MMP26: variants seen among roughly 807,000 people sequenced by gnomAD.
MMP26 encodes matrix metallopeptidase 26.
MMP26 carries 33 observed loss-of-function variants against 31.0 expected under a neutral mutation model. That is an observed-to-expected ratio of 1.06 (90% CI 0.81 to 1.42). MMP26 has a LOEUF of 1.42. Ranked by LOEUF, MMP26 falls within the 40% of genes most tolerant of loss-of-function variation. The pLI is 0.00. For synonymous variants in MMP26, 122 were observed against 114.9 expected (o/e 1.06, Z -0.40); for missense variants, 347 against 316.1 (o/e 1.10, Z -0.74).
chr11:4,790,541 C>T (rs1278133818), intron 2 of MMP26, among the ~76,000 whole-genome samples: 1 of 152,068 alleles, frequency 6.6e-6, no homozygotes, highest in Admixed American at 6.6e-5. Context: ...TATGTAATTG[C>T]TATTTGGAGG....
intron 2 of MMP26, among the ~76,000 whole-genome samples, chr11:4,891,709 C>T (rs1288238715): frequency 6.6e-6 from 1 of 152,066 alleles, no homozygotes; most frequent in African/African-American, 2.4e-5. Context: ...TATGTATGAC[C>T]AATTCATAAT....
At chr11:4,823,852 C>T (rs1411940831) in intron 2 of MMP26, among the ~76,000 whole-genome samples, 1 of 152,084 alleles carries the variant, frequency 6.6e-6, no homozygotes, top group Non-Finnish European at 1.5e-5. Flanking sequence ...AATTATTGGG[C>T]TGACTATGAG....
intron 2 of MMP26, among the ~76,000 whole-genome samples, chr11:4,930,888 C>T (rs1055594576): frequency 6.6e-6 from 1 of 151,670 alleles, no homozygotes; most frequent in African/African-American, 2.4e-5. Context: ...TTTCTTTTTG[C>T]AGCGTTGTTC....
At chr11:4,788,599 T>C (rs1053388152) in intron 2 of MMP26, among the ~76,000 whole-genome samples, 2 of 152,094 alleles carry the variant, frequency 1.3e-5, no homozygotes, top group African/African-American at 4.8e-5. Context: ...TTTTTTAACA[T>C]TTGATACAGT....
At chr11:4,924,054 T>G (rs564670726) in intron 2 of MMP26, 2 of 1,614,072 alleles carry the variant, frequency 1.2e-6, no homozygotes, top group Non-Finnish European at 1.7e-6. Context: ...CAGGCAGGGA[T>G]GCCAATCTCT....
intron 2 of MMP26, chr11:4,848,820 C>T (rs1485876057): frequency 5.6e-6 from 9 of 1,613,868 alleles, no homozygotes; most frequent in Admixed American, 1.7e-5. Flanking sequence ...GGCCAGTGCC[C>T]GATCAATGGA....
At position 4,951,460 on chromosome 11, in the gene MMP26, T is replaced by C. The variant is rs1406173989; in HGVS notation, c.-144-36608T>C. ...CATAAACTGATTTCTTAGATTATCA[T>C]TTAGTGATCATTTTTTGTAAATAAT... is the stretch of plus-strand genomic sequence containing the variant. On this transcript the variant is annotated intron_variant, in intron 2 of 7. Transcript: ENST00000380390. Among the ~76,000 whole-genome samples the C allele has an allele frequency of 1.6e-5, 2 of 125,216 alleles. 1 individual carries two copies. The highest frequency in any genetic ancestry group is 3.6e-5 in the Non-Finnish European group (2 of 55,164). 82.1% of individuals were successfully genotyped at this position (125,216 alleles called of 152,430 possible). A position where few individuals can be genotyped will look rare whatever the true frequency, so the allele number is the denominator to read the frequency against.
chr11:4,821,260 T>C, intron 2 of MMP26: 1 of 748,270 alleles, frequency 1.3e-6, no homozygotes, highest in East Asian at 2.5e-5. Flanking sequence ...TGGAGAGAAA[T>C]GTGTAGCTCT....
At chr11:4,803,099 G>A (rs1415339114) in intron 2 of MMP26, among the ~76,000 whole-genome samples, 1 of 152,154 alleles carries the variant, frequency 6.6e-6, no homozygotes, top group African/African-American at 2.4e-5. Flanking sequence ...TACTTCTACT[G>A]ACAGTGTAAA....
chr11:4,821,602 A>T (rs1849500665), intron 2 of MMP26: 2 of 1,613,724 alleles, frequency 1.2e-6, no homozygotes, highest in East Asian at 4.5e-5. Flanking sequence ...CCATAAGCCT[A>T]TGTACTATTT....
At chr11:4,896,800 G>T (rs1850710171) in intron 2 of MMP26, among the ~76,000 whole-genome samples, 1 of 152,090 alleles carries the variant, frequency 6.6e-6, no homozygotes, top group South Asian at 2.1e-4. Flanking sequence ...AAAGAGGAGT[G>T]CTAAAAACTC....
chr11:4,928,995 G>T (rs1851310098), intron 2 of MMP26, among the ~76,000 whole-genome samples: 1 of 151,964 alleles, frequency 6.6e-6, no homozygotes, highest in South Asian at 2.1e-4. Context: ...TGACAATGCT[G>T]GCCCTTCTAG....
intron 2 of MMP26, among the ~76,000 whole-genome samples, chr11:4,790,687 C>G (rs1564910258): frequency 6.6e-6 from 1 of 152,156 alleles, no homozygotes; most frequent in Non-Finnish European, 1.5e-5. Flanking sequence ...ATGGTCTCGT[C>G]TTCCACACAC....
At chr11:4,816,287 G>T (rs1849418061) in intron 2 of MMP26, among the ~76,000 whole-genome samples, 2 of 152,178 alleles carry the variant, frequency 1.3e-5, no homozygotes, top group Admixed American at 6.5e-5. Flanking sequence ...TGGCCTAACA[G>T]ATGATCTATC....
chr11:4,884,142 C>T (rs1282088925), intron 2 of MMP26, among the ~76,000 whole-genome samples: 1 of 152,098 alleles, frequency 6.6e-6, no homozygotes, highest in East Asian at 1.9e-4. Context: ...AAAGTAATTG[C>T]ATGAGTTTCC....
At chr11:4,942,089 CAAAAAAAA>C (rs201626472) in intron 2 of MMP26, among the ~76,000 whole-genome samples, 6,237 of 37,244 alleles carry the variant, frequency 0.17, 577 homozygotes, top group East Asian at 0.52. Context: ...GAGTCCATCT[CAAAAAAAA>C]AAAAAAAAAA....
At chr11:4,754,981 T>C (rs1360339839) in intron 1 of MMP26, among the ~76,000 whole-genome samples, 1 of 152,006 alleles carries the variant, frequency 6.6e-6, no homozygotes, top group Non-Finnish European at 1.5e-5. Flanking sequence ...GGTAGCTCTA[T>C]AGATCTATAG....
intron 2 of MMP26, among the ~76,000 whole-genome samples, chr11:4,960,118 G>A (rs1474239607): frequency 1.5e-5 from 2 of 133,314 alleles, no homozygotes; most frequent in Non-Finnish European, 3.0e-5. Context: ...TATATTCTCA[G>A]CAAAATAAAA....
rs1477066826 is a variant in MMP26, at chr11:4,739,568, TCC to T, written c.-216-27701_-216-27700del. The stretch of plus-strand genomic sequence containing the variant: ...CATGGACATTCAGAACTATGATGAC[TCC>T]AACCACTTGATATGGAGAATATACT... On this transcript the variant is annotated intron_variant, in intron 1 of 7. Transcript: ENST00000380390. 1.1e-3 allele frequency among the ~76,000 whole-genome samples: 161 copies of T among 152,308 alleles called. 1 individual carries two copies. Among genetic ancestry groups the T allele is most frequent in the African/African-American group, 3.7e-3 (155 of 41,584 alleles).
Sources: allele counts gnomAD v4.1 joint callset (sites outside exome capture counted in the v4.1 genomes callset), GRCh38; gene constraint gnomAD v4.1.1; transcripts MANE v1.5; gene names NCBI Gene and HGNC (gene_info 2026-07-23, HGNC 2026-07-21).